MOCS1: variants seen among roughly 807,000 people sequenced by gnomAD.
MOCS1 encodes molybdenum cofactor synthesis 1.
A neutral mutation model predicts 57.6 loss-of-function variants in MOCS1; 39 were observed. That is an observed-to-expected ratio of 0.68 (90% CI 0.52 to 0.88). The LOEUF is 0.88. Among genes scored for constraint, MOCS1 ranks in the 40% least tolerant of loss-of-function variants. MOCS1 has a pLI of 0.00. For missense variants in MOCS1, 795 were observed against 831.1 expected (o/e 0.96, Z 0.53); for synonymous variants, 334 against 335.7 (o/e 1.00, Z 0.05).
Position 39,905,527 on chromosome 6 carries a change from A to AAGTT in MOCS1, c.*826_*829dup. ...CAGTGTCTTCATTCTTGCATCTGCAAAGTTGGCATCGTAGCTTTATTTGTG... is the reference window on the plus strand; with the variant it reads ...CAGTGTCTTCATTCTTGCATCTGCAAAGTTAGTTGGCATCGTAGCTTTATTTGTG... On this transcript the variant is annotated 3_prime_UTR_variant, in exon 11 of 11. Transcript: ENST00000340692. The AAGTT allele has an allele frequency of 2.1e-6, 1 of 471,158 alleles. No homozygotes were observed. The highest frequency in any genetic ancestry group is 4.4e-6 in the Non-Finnish European group (1 of 227,058). 29.2% of individuals were successfully genotyped at this position (471,158 alleles called of 1,614,324 possible).
Position 39,934,404 on chromosome 6 carries a change from G to A in MOCS1, c.14C>T (p.Pro5Leu). Residue 5 changes from proline to leucine, a missense_variant, in exon 1 of 11, where the codon CCA (proline) becomes CTA (leucine). Pro to Leu is a moderately conservative substitution (Grantham distance 98, BLOSUM62 -3). This residue lies in a region of MOCS1 where 416 missense variants were observed against 392.4 expected (regional missense o/e 1.06). Transcript: ENST00000340692. ...AAGCCGCCGCAGCATCCGGGACAGT[G>A]GCCGCGCCGCCATGAAGCCTGATAC... is the stretch of plus-strand genomic sequence containing the variant. MAARPLSRMLRRLLR... is the reference protein window; with the variant it reads MAARLLSRMLRRLLR... The A allele has an allele frequency of 6.4e-7, 1 of 1,566,170 alleles. No individual in the cohort carries two copies. Among genetic ancestry groups the A allele is most frequent in the Non-Finnish European group, 8.6e-7 (1 of 1,161,162 alleles).
At chr6:39,911,314 C>T (rs2149401778) in intron 8 of MOCS1, among the ~76,000 whole-genome samples, 1 of 152,282 alleles carries the variant, frequency 6.6e-6, no homozygotes, top group South Asian at 2.1e-4. Context: ...CCACCATCAT[C>T]ACCCTCCCAC....
intron 4 of MOCS1, 117 bp downstream of exon 4, chr6:39,915,951 A>G (rs1767632084): frequency 1.7e-6 from 2 of 1,186,082 alleles, no homozygotes; most frequent in African/African-American, 1.5e-5. Flanking sequence ...GCTTTGACTT[A>G]CTGATAGCCC....
In MOCS1 at chr6:39,907,121, C is replaced by T. The variant is rs1290003028; in HGVS notation, c.1151-4G>A. ...TTGGGGAACATCAAAAATAACTCTG[C>T]AAGGCAAGAAGAAAAGAGAAGAAAC... On this transcript the variant is annotated splice_polypyrimidine_tract_variant and splice_region_variant and intron_variant, in intron 10 of 10. Transcript: ENST00000340692. The T allele has an allele frequency of 3.7e-6, 6 of 1,607,696 alleles. No individual in the cohort carries two copies. Among genetic ancestry groups the T allele is most frequent in the East Asian group, 4.5e-5 (2 of 44,770 alleles).
chr6:39,909,003 C>T (rs185592236), intron 10 of MOCS1, 52 bp downstream of exon 10: 60 of 1,549,620 alleles, frequency 3.9e-5, no homozygotes, highest in South Asian at 2.1e-4. Flanking sequence ...TCCCACCCCA[C>T]GAGATCCCCA....
In MOCS1 at chr6:39,906,671, G is replaced by C. The variant is rs1269437532; in HGVS notation, c.1597C>G (p.Leu533Val). 2.5e-6 allele frequency: 4 copies of C among 1,614,070 alleles called. No homozygotes were observed. Among genetic ancestry groups the C allele is most frequent in the Non-Finnish European group, 3.4e-6 (4 of 1,180,046 alleles). The part of the protein sequence containing the change: ...QQNQLKKGDA[L>V]VVAQLAGVQA... ...ACTCCAGCCAGCTGGGCCACCACTA[G>C]GGCATCTCCTTTCTTGAGCTGGTTC... Residue 533 changes from leucine to valine, a missense_variant, in exon 11 of 11, where the codon CTA becomes GTA. By Grantham distance (32) the Leu-to-Val change is conservative (BLOSUM62 1). This residue lies in a region of MOCS1 where 374 missense variants were observed against 422.6 expected (regional missense o/e 0.89). Transcript: ENST00000340692.
rs1186885693 is a variant in MOCS1, at chr6:39,905,634, C to T, written c.*723G>A. The T allele has an allele frequency of 2.1e-5, 10 of 471,024 alleles. No homozygotes were observed. Among genetic ancestry groups the T allele is most frequent in the African/African-American group, 1.4e-4 (7 of 50,040 alleles). The allele number at this position is 471,024 out of a possible 1,614,324, so 29.2% of individuals were successfully genotyped here. A position where few individuals can be genotyped will look rare whatever the true frequency, so the allele number is the denominator to read the frequency against. ...AATAAAGAGGGGTGGGTGGAACAGCCGTGAACAGGGCCAGGTGTGGGCTGT... is the reference window on the plus strand; with the variant it reads ...AATAAAGAGGGGTGGGTGGAACAGCTGTGAACAGGGCCAGGTGTGGGCTGT... On this transcript the variant is annotated 3_prime_UTR_variant, in exon 11 of 11. Coordinates refer to ENST00000340692, the MANE Select transcript of MOCS1 (RefSeq NM_001358530.2).
rs748720371 is a variant in MOCS1, at chr6:39,934,362, C to T, written c.56G>A (p.Arg19Gln). 2 of 1,555,842 alleles carry T rather than the reference C, an allele frequency of 1.3e-6. No homozygotes were observed. Among genetic ancestry groups the T allele is most frequent in the East Asian group, 2.4e-5 (1 of 41,976 alleles). ...MLRRLLRSSA[R>Q]SCSSGAPVTQ... ...CACCGGAGCCCCTGAGCTGCAGCTC[C>T]GGGCGCTGGACCTCAGAAGCCGCCG... The change falls in exon 1 of 11, where the codon CGG becomes CAG. Residue 19 changes from arginine to glutamine, a missense_variant. Arg to Gln is a conservative substitution (Grantham distance 43, BLOSUM62 1). This residue lies in a region of MOCS1 where 416 missense variants were observed against 392.4 expected (regional missense o/e 1.06). Coordinates refer to ENST00000340692, the MANE Select transcript of MOCS1 (RefSeq NM_001358530.2).
chr6:39,931,656 T>TC (rs1768650040), intron 1 of MOCS1, among the ~76,000 whole-genome samples: 1 of 151,906 alleles, frequency 6.6e-6, no homozygotes, highest in Admixed American at 6.6e-5. Flanking sequence ...CTTTCCCTCC[T>TC]CCCCCTCATT....
intron 1 of MOCS1, among the ~76,000 whole-genome samples, chr6:39,929,456 T>C (rs958534643): frequency 9.2e-5 from 14 of 152,214 alleles, no homozygotes; most frequent in Admixed American, 3.3e-4. Context: ...AATTCAGTCA[T>C]GTTAGTCACC....
intron 4 of MOCS1, among the ~76,000 whole-genome samples, chr6:39,915,317 T>C (rs1313409624): frequency 1.3e-5 from 2 of 152,016 alleles, no homozygotes; most frequent in East Asian, 1.9e-4. Flanking sequence ...GGAAAGAAGG[T>C]GGTGGGGCTG....
rs372400366 is a variant in MOCS1 at position 39,916,235 on chromosome 6, G to T, written c.419-3C>A. The T allele has an allele frequency of 1.4e-5, 22 of 1,613,514 alleles. No individual in the cohort carries two copies. The African/African-American group carries it at 2.8e-4, about 21-fold the overall frequency. ...CCCTTCCAGCCGCTGGAGCTGGGCTGTAAGGACAACAGAAAGGGGGTCAGA... is the reference window on the plus strand; with the variant it reads ...CCCTTCCAGCCGCTGGAGCTGGGCTTTAAGGACAACAGAAAGGGGGTCAGA... On this transcript the variant is annotated splice_region_variant and splice_polypyrimidine_tract_variant and intron_variant, in intron 3 of 10. Coordinates refer to ENST00000340692, the MANE Select transcript of MOCS1 (RefSeq NM_001358530.2).
chr6:39,907,441 T>C (rs2984444), intron 10 of MOCS1, among the ~76,000 whole-genome samples: 110,525 of 151,950 alleles, frequency 0.73, 40,437 homozygotes, highest in East Asian at 0.86. Context: ...CAGCACCAAG[T>C]TGAGGCCTGG....
intron 1 of MOCS1, chr6:39,927,814 G>C (rs973169377): frequency 2.3e-6 from 3 of 1,277,886 alleles, no homozygotes; most frequent in African/African-American, 1.5e-5. Context: ...CCATGGTCTC[G>C]GGCATAAATG....
intron 4 of MOCS1, among the ~76,000 whole-genome samples, chr6:39,915,057 C>T (rs1562091763): frequency 6.6e-6 from 1 of 152,220 alleles, no homozygotes; most frequent in Admixed American, 6.5e-5. Flanking sequence ...TCCTAGTTCT[C>T]TCCTGCTAAG....
chr6:39,930,798 T>G (rs1163713513), intron 1 of MOCS1, among the ~76,000 whole-genome samples: 1 of 152,162 alleles, frequency 6.6e-6, no homozygotes, highest in African/African-American at 2.4e-5. Flanking sequence ...GAGCACAGGA[T>G]TTGGAGTAGG....
intron 3 of MOCS1, 145 bp downstream of exon 3, chr6:39,925,533 A>G: frequency 1.0e-6 from 1 of 996,882 alleles, no homozygotes; most frequent in Non-Finnish European, 1.5e-6. Flanking sequence ...GGAAATAATA[A>G]TAGCACCTGT....
chr6:39,925,649 G>A (rs1284039934), intron 3 of MOCS1, 29 bp downstream of exon 3: 2 of 1,612,498 alleles, frequency 1.2e-6, no homozygotes, highest in Non-Finnish European at 8.5e-7. Context: ...AGCGCTGGGA[G>A]AAGTGGCGAT....
chr6:39,925,093 C>G (rs562175015), intron 3 of MOCS1, among the ~76,000 whole-genome samples: 6 of 152,258 alleles, frequency 3.9e-5, no homozygotes, highest in Middle Eastern at 3.4e-3. Flanking sequence ...AACAAACAAA[C>G]AAACAAACAA....
Sources: allele counts gnomAD v4.1 joint callset (sites outside exome capture counted in the v4.1 genomes callset), GRCh38; gene constraint gnomAD v4.1.1; regional missense constraint gnomAD v4.1.1; transcripts MANE v1.5; gene names NCBI Gene and HGNC (gene_info 2026-07-23, HGNC 2026-07-21).